The following PITPNM2 variants were observed in gnomAD, a reference collection of about 807,000 sequenced individuals.
The protein encoded by PITPNM2 is phosphatidylinositol transfer protein membrane associated 2, also known as membrane-associated phosphatidylinositol transfer protein 2.
Under a neutral mutation model 132.2 loss-of-function variants are expected in PITPNM2, and 35 were observed. The ratio of observed to expected loss-of-function variants is 0.26; its 90% CI spans 0.20 to 0.35. The LOEUF (loss-of-function observed/expected upper bound fraction) is 0.35. Ranked by LOEUF, PITPNM2 falls within the 10% of genes least tolerant of loss-of-function variation. The pLI is 1.00. For synonymous variants in PITPNM2, 738 were observed against 799.2 expected (o/e 0.92, Z 1.29); for missense variants, 1,332 against 1,912.0 (o/e 0.70, Z 5.66).
intron 2 of PITPNM2, among the ~76,000 whole-genome samples, chr12:123,043,353 A>C (rs927782038): frequency 2.0e-5 from 3 of 152,136 alleles, no homozygotes; most frequent in Non-Finnish European, 4.4e-5. Flanking sequence ...GCAAGGACCA[A>C]GGAGACTTTG....
chr12:123,119,963 C>G (rs573462401), intron 1 of PITPNM2, among the ~76,000 whole-genome samples: 1 of 152,230 alleles, frequency 6.6e-6, no homozygotes, highest in South Asian at 2.1e-4. Flanking sequence ...AGCTCAGCAA[C>G]CATACTGCCC....
chr12:123,017,633 A>G (rs1404559102), intron 3 of PITPNM2, among the ~76,000 whole-genome samples: 1 of 152,252 alleles, frequency 6.6e-6, no homozygotes, highest in Non-Finnish European at 1.5e-5. Context: ...TCAACAGATG[A>G]ATGAATAAAA....
At chr12:123,055,366 C>T (rs1412499388) in intron 2 of PITPNM2, among the ~76,000 whole-genome samples, 1 of 152,226 alleles carries the variant, frequency 6.6e-6, no homozygotes, top group Admixed American at 6.5e-5. Flanking sequence ...TGAGCTCTTT[C>T]TGTGAATCTG....
In PITPNM2 at chr12:123,037,881, C is replaced by A. The variant is rs149861311; in HGVS notation, c.-95-3196G>T. Among the ~76,000 whole-genome samples the A allele has an allele frequency of 5.0e-4, 76 of 152,386 alleles. No individual in the cohort carries two copies. The East Asian group carries it at 0.011, about 22-fold the overall frequency. On this transcript the variant is annotated intron_variant, in intron 2 of 25. Coordinates refer to ENST00000320201, the MANE Select transcript of PITPNM2 (RefSeq NM_020845.3). The stretch of plus-strand genomic sequence containing the variant: ...AGGCTCTGTGAGCACATGTCTGGAA[C>A]AGATACCTAATGATGTTCCCCCACG...
chr12:123,072,117 A>AT (rs2041636578), intron 2 of PITPNM2, among the ~76,000 whole-genome samples: 1 of 152,234 alleles, frequency 6.6e-6, no homozygotes, highest in Non-Finnish European at 1.5e-5. Flanking sequence ...AAAGCTGTGA[A>AT]GTGCTTTACA....
intron 2 of PITPNM2, among the ~76,000 whole-genome samples, chr12:123,062,180 T>C (rs1439738724): frequency 6.6e-6 from 1 of 152,060 alleles, no homozygotes; most frequent in African/African-American, 2.4e-5. Context: ...CCAGACTCCC[T>C]CCCAGACAGG....
intron 1 of PITPNM2, among the ~76,000 whole-genome samples, chr12:123,131,763 C>T (rs2043267871): frequency 6.6e-6 from 1 of 152,212 alleles, no homozygotes; most frequent in South Asian, 2.1e-4. Context: ...GAAGCAGCCC[C>T]CAGCCAACTG....
chr12:123,100,812 C>G lies in PITPNM2; in HGVS notation c.-96+9573G>C, dbSNP rs143145000. On this transcript the variant is annotated intron_variant, in intron 2 of 25. Transcript: ENST00000320201. Reference sequence around the variant, plus strand: ...CTTCTCTATGAGAAAAGACTGAGACCCAGTCAGACTCACCTGAGGCAGGAA... The same window carrying G: ...CTTCTCTATGAGAAAAGACTGAGACGCAGTCAGACTCACCTGAGGCAGGAA... Among the ~76,000 whole-genome samples, 351 of 152,268 alleles carry G rather than the reference C, an allele frequency of 2.3e-3. 2 individuals are homozygous for G. In the South Asian group the frequency reaches 0.025, roughly 11 times the overall value.
At position 122,986,463 on chromosome 12, in the gene PITPNM2, G is replaced by T; in HGVS notation, c.3699C>A (p.Pro1233=). The change falls in exon 25 of 26, where the codon CCC becomes CCA. Residue 1233 remains proline, a synonymous_variant. Transcript: ENST00000320201. ...SPMQIYIVGR[P]TKKLQQQCQF... is the part of the protein sequence containing the mutation. ...GGCACTGCTGCTGCAGCTTCTTGGTGGGCCGGCCCACGATGTAGATCTGCA... is the reference window on the plus strand; with the variant it reads ...GGCACTGCTGCTGCAGCTTCTTGGTTGGCCGGCCCACGATGTAGATCTGCA... The T allele has an allele frequency of 1.3e-6, 2 of 1,577,908 alleles. No homozygotes were observed. The highest frequency in any genetic ancestry group is 4.6e-5 in the East Asian group (2 of 43,244).
At chr12:123,140,377 G>A (rs2043478908) in intron 1 of PITPNM2, among the ~76,000 whole-genome samples, 1 of 152,120 alleles carries the variant, frequency 6.6e-6, no homozygotes, top group African/African-American at 2.4e-5. Flanking sequence ...CCCCAACCTG[G>A]CTTCCTGTTG....
rs747106488 is a variant in PITPNM2, at chr12:123,023,291, C to A, written c.79-9249G>T. On this transcript the variant is annotated intron_variant, in intron 3 of 25. Transcript: ENST00000320201. This position sits in a 1 kb window ranked among gnomAD's most constrained non-coding sequence, Gnocchi z 4.8. Reference sequence around the variant, plus strand: ...GAATGTCAGTGCGCAGGCGTGCATGCGTGCACACACATGTGGCGTGTGTGT... The same window carrying A: ...GAATGTCAGTGCGCAGGCGTGCATGAGTGCACACACATGTGGCGTGTGTGT... Among the ~76,000 whole-genome samples the A allele has an allele frequency of 6.6e-6, 1 of 152,186 alleles. No individual in the cohort carries two copies. The highest frequency in any genetic ancestry group is 1.5e-5 in the Non-Finnish European group (1 of 68,036).
At chr12:123,011,697 C>T (rs922915270) in intron 5 of PITPNM2, among the ~76,000 whole-genome samples, 1 of 152,042 alleles carries the variant, frequency 6.6e-6, no homozygotes, top group African/African-American at 2.4e-5. Flanking sequence ...GACCATGTGA[C>T]GAACGAGGCA....
intron 2 of PITPNM2, among the ~76,000 whole-genome samples, chr12:123,042,890 C>G (rs1398359700): frequency 6.6e-6 from 1 of 152,070 alleles, no homozygotes; most frequent in Non-Finnish European, 1.5e-5. Flanking sequence ...AGGGGCTGTT[C>G]TTTGTCCAGC....
intron 1 of PITPNM2, among the ~76,000 whole-genome samples, chr12:123,143,550 A>G (rs191127986): frequency 3.9e-5 from 6 of 152,326 alleles, no homozygotes; most frequent in East Asian, 1.9e-4. Context: ...CCCAGGCATA[A>G]GAAGGCCACA....
intron 10 of PITPNM2, among the ~76,000 whole-genome samples, chr12:122,999,922 C>G (rs1174448675): frequency 6.6e-6 from 1 of 152,218 alleles, no homozygotes; most frequent in Non-Finnish European, 1.5e-5. Context: ...GCTGTGTGTG[C>G]TGCAGGTGGG....
intron 1 of PITPNM2, among the ~76,000 whole-genome samples, chr12:123,115,878 T>C (rs60761837): frequency 0.042 from 6,347 of 152,248 alleles, 440 homozygotes; most frequent in African/African-American, 0.14. Context: ...TGCAGCCTTC[T>C]CCAAGGGAGG....
chr12:123,135,729 G>T (rs566975721), intron 1 of PITPNM2, among the ~76,000 whole-genome samples: 1 of 152,058 alleles, frequency 6.6e-6, no homozygotes, highest in African/African-American at 2.4e-5. Flanking sequence ...ACGGCGTCTC[G>T]CTACGCTGCC....
intron 13 of PITPNM2, 119 bp downstream of exon 13, chr12:122,996,339 C>T: frequency 7.3e-7 from 1 of 1,375,484 alleles, no homozygotes. Flanking sequence ...GAAGTGCTGC[C>T]AGCATTCTGC....
rs570880305 is a variant in PITPNM2 at position 123,106,148 on chromosome 12, C to T, written c.-96+4237G>A. Among the ~76,000 whole-genome samples, 7 of 152,354 alleles carry T rather than the reference C, an allele frequency of 4.6e-5. No homozygotes were observed. Among genetic ancestry groups the T allele is most frequent in the Admixed American group, 6.5e-5 (1 of 15,308 alleles). ...CACCCCAGATAGCCTGCTCTCAACA[C>T]GGCAGCCAGAAGACATCCTTCTGAA... On this transcript the variant is annotated intron_variant, in intron 2 of 25. Transcript: ENST00000320201. This position sits in a 1 kb window ranked among gnomAD's most constrained non-coding sequence, Gnocchi z 4.4.
Sources: gnomAD v4.1 joint callset for allele counts (sites outside exome capture counted in the v4.1 genomes callset) on GRCh38, gnomAD v4.1.1 for gene constraint, Gnocchi (gnomAD v3.1) non-coding constraint, MANE v1.5 for transcripts, NCBI Gene and HGNC (gene_info 2026-07-23, HGNC 2026-07-21) for gene names.